The following DSCC1 variants were observed in gnomAD, a reference collection of about 807,000 sequenced individuals.
DSCC1 encodes DNA replication and sister chromatid cohesion 1.
In DSCC1, 32 loss-of-function variants were observed where a neutral mutation model predicts 48.2. That is an observed-to-expected ratio of 0.66 (90% CI 0.50 to 0.89). DSCC1 has a LOEUF of 0.89. Among genes scored for constraint, DSCC1 ranks in the 40% least tolerant of loss-of-function variants. The pLI is 0.00. For synonymous variants in DSCC1, 150 were observed against 171.5 expected (o/e 0.87, Z 0.98); for missense variants, 421 against 471.7 (o/e 0.89, Z 1.00).
In DSCC1 at chr8:119,850,374, A is replaced by C. The variant is rs748549917; in HGVS notation, c.486+8T>G. ...AATTCCAAATAAAAAAGTGAAAATA[A>C]GTCTTACTTTTGAGCTATTTGAATC... On this transcript the variant is annotated splice_region_variant and intron_variant, in intron 3 of 8. Transcript: ENST00000313655. 11 of 1,551,140 alleles carry C rather than the reference A, an allele frequency of 7.1e-6. No individual in the cohort carries two copies. In the Admixed American group the frequency reaches 1.8e-4, roughly 26 times the overall value.
intron 3 of DSCC1, 51 bp downstream of exon 3, chr8:119,850,331 C>T (rs187251095): frequency 1.3e-6 from 2 of 1,491,256 alleles, no homozygotes; most frequent in African/African-American, 2.9e-5. Context: ...TATTAAGTGC[C>T]TCTGATTATA....
chr8:119,847,544 A>G (rs566137339), intron 3 of DSCC1, among the ~76,000 whole-genome samples: 6 of 152,322 alleles, frequency 3.9e-5, no homozygotes, highest in African/African-American at 1.4e-4. Flanking sequence ...ACAGAGTTTC[A>G]GTTTGAGAAG....
intron 2 of DSCC1, among the ~76,000 whole-genome samples, chr8:119,851,443 C>T (rs1826942402): frequency 6.6e-6 from 1 of 151,884 alleles, no homozygotes; most frequent in African/African-American, 2.4e-5. Context: ...CAAAGCAAAA[C>T]AAAAAAATGG....
At chr8:119,836,125 C>A (rs1427172928) in intron 8 of DSCC1, among the ~76,000 whole-genome samples, 2 of 152,178 alleles carry the variant, frequency 1.3e-5, no homozygotes, top group Non-Finnish European at 2.9e-5. Flanking sequence ...CCAGCCTGGC[C>A]AACATGGTGA....
chr8:119,835,958 T>A (rs1826674872), intron 8 of DSCC1, among the ~76,000 whole-genome samples: 1 of 152,214 alleles, frequency 6.6e-6, no homozygotes, highest in African/African-American at 2.4e-5. Flanking sequence ...ATTCTACATA[T>A]AATGGGAAGC....
In DSCC1 at chr8:119,836,551, T is replaced by G. The variant is rs192368920; in HGVS notation, c.1074-1550A>C. 1.8e-3 allele frequency among the ~76,000 whole-genome samples: 281 copies of G among 152,240 alleles called. 2 individuals carry two copies. Among genetic ancestry groups the G allele is most frequent in the African/African-American group, 6.4e-3 (266 of 41,534 alleles). The stretch of plus-strand genomic sequence containing the variant: ...AAGGACAGGGATGATTCCTAGACTT[T>G]AGTTTAAGTAACTGGATTAGTAGTG... On this transcript the variant is annotated intron_variant, in intron 8 of 8. Transcript: ENST00000313655.
chr8:119,843,668 C>T lies in DSCC1; in HGVS notation c.657G>A (p.Trp219Ter), dbSNP rs1226761112. The T allele has an allele frequency of 1.2e-6, 2 of 1,613,960 alleles. No individual in the cohort carries two copies. The highest frequency in any genetic ancestry group is 1.7e-6 in the Non-Finnish European group (2 of 1,180,014). ...HVTQLVDSES[W>*]SFGKVPLNTC... ...TGTTCAAAGGAACTTTACCAAAAGA[C>T]CATGATTCAGAATCCACAAGCTGAG... is the stretch of plus-strand genomic sequence containing the variant. Residue 219 changes from tryptophan to a stop codon, truncating the protein, a stop_gained, in exon 5 of 9, where the codon TGG becomes TGA. Transcript: ENST00000313655. LOFTEE classifies it high-confidence loss of function.
At chr8:119,845,578 T>G (rs1471235347) in intron 4 of DSCC1, among the ~76,000 whole-genome samples, 1 of 151,890 alleles carries the variant, frequency 6.6e-6, no homozygotes, top group Admixed American at 6.6e-5. Context: ...AGAGAAATTG[T>G]ATCCATCCCC....
At chr8:119,845,167 C>T (rs1488588128) in intron 4 of DSCC1, among the ~76,000 whole-genome samples, 1 of 151,902 alleles carries the variant, frequency 6.6e-6, no homozygotes. Flanking sequence ...CTCACTGCAA[C>T]CTCCACCTCC....
chr8:119,846,113 CTTTT>C (rs531156237), intron 4 of DSCC1, among the ~76,000 whole-genome samples: 5 of 117,530 alleles, frequency 4.3e-5, no homozygotes, highest in Non-Finnish European at 6.7e-5. Context: ...TGTCTAAGGA[CTTTT>C]TTTTTTTTTT....
chr8:119,843,487 A>G, intron 5 of DSCC1, 122 bp downstream of exon 5: 1 of 1,359,108 alleles, frequency 7.4e-7, no homozygotes, highest in Non-Finnish European at 9.9e-7. Context: ...GTAATTGTAA[A>G]CATTTCTCAA....
At chr8:119,850,921 A>C (rs573377538) in intron 2 of DSCC1, among the ~76,000 whole-genome samples, 4 of 152,342 alleles carry the variant, frequency 2.6e-5, no homozygotes, top group African/African-American at 9.6e-5. Context: ...TAGTCTTCAA[A>C]TAGGGACATT....
At chr8:119,852,706 G>T (rs912182564) in intron 2 of DSCC1, 2 of 170,512 alleles carry the variant, frequency 1.2e-5, no homozygotes, top group Admixed American at 1.2e-4. Flanking sequence ...AACCAGTTAC[G>T]GTCTGAGGGA....
In DSCC1 at chr8:119,850,524, T is replaced by TTA; in HGVS notation, c.352-10_352-9dup. 6.5e-7 allele frequency: 1 copy of TTA among 1,545,676 alleles called. No homozygotes were observed. The highest frequency in any genetic ancestry group is 8.6e-7 in the Non-Finnish European group (1 of 1,159,796). Reference sequence around the variant, plus strand: ...ATTAGAAAAACCAAAGATCTAGAAATTATATATATCGTAACCTTTTAGGGG... The same window carrying TTA: ...ATTAGAAAAACCAAAGATCTAGAAATTATATATATATCGTAACCTTTTAGGGG... On this transcript the variant is annotated splice_polypyrimidine_tract_variant and intron_variant, in intron 2 of 8. Coordinates refer to ENST00000313655, the MANE Select transcript of DSCC1 (RefSeq NM_024094.3).
At chr8:119,836,774 C>T (rs1826690735) in intron 8 of DSCC1, among the ~76,000 whole-genome samples, 1 of 151,812 alleles carries the variant, frequency 6.6e-6, no homozygotes, top group Non-Finnish European at 1.5e-5. Flanking sequence ...TAGATGAGGG[C>T]ACCAAAGGAA....
intron 4 of DSCC1, among the ~76,000 whole-genome samples, chr8:119,846,630 C>A (rs1826861263): frequency 6.6e-6 from 1 of 152,180 alleles, no homozygotes; most frequent in Non-Finnish European, 1.5e-5. Context: ...GCCATCTCAG[C>A]TCTCTGCAAC....
intron 7 of DSCC1, 147 bp from the exon 8 acceptor site, chr8:119,838,554 G>A (rs1019603787): frequency 9.6e-5 from 94 of 977,382 alleles, no homozygotes; most frequent in Non-Finnish European, 1.2e-4. Context: ...ATTTACAATC[G>A]CCTTTTTCAT....
intron 1 of DSCC1, 55 bp downstream of exon 1, chr8:119,855,559 T>C (rs188141617): frequency 2.7e-6 from 4 of 1,508,044 alleles, no homozygotes; most frequent in African/African-American, 2.8e-5. Context: ...CTTTCCCCGC[T>C]GAGAAAATAA....
chr8:119,834,901 T>C lies in DSCC1; in HGVS notation c.1174A>G (p.Ile392Val). ...AAAAGACCGTTGTTCTTTTAAGAAA[T>C]GGGTCTTCTCGAATTATAAACTTTA... ...GVKVYNSRRP[I>V]S is the part of the protein sequence containing the mutation. Residue 392 changes from isoleucine (I) to valine (V), a missense_variant, in exon 9 of 9, where the codon ATT becomes GTT. By Grantham distance (29) the Ile-to-Val change is conservative. This residue lies in a region of DSCC1 where 238 missense variants were observed against 259.0 expected (regional missense o/e 0.92). Coordinates refer to ENST00000313655, the MANE Select transcript of DSCC1 (RefSeq NM_024094.3). 6.3e-7 allele frequency: 1 copy of C among 1,591,674 alleles called. No individual in the cohort carries two copies. The highest frequency in any genetic ancestry group is 8.6e-7 in the Non-Finnish European group (1 of 1,162,786).
Sources: gnomAD v4.1 joint callset for allele counts (sites outside exome capture counted in the v4.1 genomes callset) on GRCh38, gnomAD v4.1.1 for gene constraint, gnomAD v4.1.1 regional missense constraint, MANE v1.5 for transcripts, NCBI Gene and HGNC (gene_info 2026-07-23, HGNC 2026-07-21) for gene names.